TRIM77: variants seen among roughly 807,000 people sequenced by gnomAD.
TRIM77 encodes the protein tripartite motif-containing protein 77.
Under a neutral mutation model 31.8 loss-of-function variants are expected in TRIM77, and 23 were observed. The observed-to-expected ratio is 0.72, with a 90% CI of 0.52 to 1.02. The LOEUF (loss-of-function observed/expected upper bound fraction) is 1.02. TRIM77 is among the 50% of genes least tolerant of loss of function. The pLI, the probability that TRIM77 is intolerant of heterozygous loss-of-function variation, is 0.00. For missense variants in TRIM77, 446 were observed against 539.2 expected (o/e 0.83, Z 1.71); for synonymous variants, 159 against 183.1 (o/e 0.87, Z 1.06).
rs539129244 is a variant in TRIM77 at position 89,710,702 on chromosome 11, A to C, written c.404A>C (p.Tyr135Ser). Reference sequence around the variant, plus strand: ...TATATGACAAGGGAGGCTGATGAATACTATAGGGTAAGTAAATGCTACTGA... The same window carrying C: ...TATATGACAAGGGAGGCTGATGAATCCTATAGGGTAAGTAAATGCTACTGA... ...KHYMTREADEYYRKKLLIQMK... is the reference protein window; with the variant it reads ...KHYMTREADESYRKKLLIQMK... Residue 135 changes from tyrosine to serine, a missense_variant, in exon 1 of 6, where the codon TAC (tyrosine) becomes TCC (serine). By Grantham distance (144) the Tyr-to-Ser change is moderately radical (BLOSUM62 -2). Around this residue, in one of 3 missense-constraint regions of TRIM77, gnomAD observed 366 missense variants for 447.9 expected, o/e 0.82. Transcript: ENST00000398290. 1 of 1,530,906 alleles carries C rather than the reference A, an allele frequency of 6.5e-7. No individual in the cohort carries two copies. The highest frequency in any genetic ancestry group is 1.2e-5 in the South Asian group (1 of 81,448). 94.8% of individuals were successfully genotyped at this position (1,530,906 alleles called of 1,614,324 possible).
chr11:89,716,306 A>C (rs921060894), intron 5 of TRIM77, among the ~76,000 whole-genome samples: 1 of 152,228 alleles, frequency 6.6e-6, no homozygotes, highest in Non-Finnish European at 1.5e-5. Context: ...ATAAAACTGC[A>C]TATTCATTCA....
intron 5 of TRIM77, among the ~76,000 whole-genome samples, chr11:89,716,661 A>G (rs564829283): frequency 1.3e-5 from 2 of 152,196 alleles, no homozygotes; most frequent in African/African-American, 4.8e-5. Context: ...AAAGGCACAT[A>G]TAGATTTTCA....
Position 89,717,450 on chromosome 11 carries a change from T to C in TRIM77, c.931T>C (p.Cys311Arg). ...GTTCGAAGACCTAAGGCATTTGCAG[T>C]GCAGCCTTGATGATACAGACATGTC... ...LLFEDLRHLQ[C>R]SLDDTDMSCN... Residue 311 changes from cysteine to arginine, a missense_variant, in exon 6 of 6, where the codon TGC becomes CGC. Coordinates refer to ENST00000398290, the MANE Select transcript of TRIM77 (RefSeq NM_001146162.1). 1 of 1,551,540 alleles carries C rather than the reference T, an allele frequency of 6.4e-7. No homozygotes were observed. The highest frequency in any genetic ancestry group is 1.2e-5 in the South Asian group (1 of 84,060).
intron 2 of TRIM77, 87 bp from the exon 3 acceptor site, chr11:89,714,105 A>G: frequency 1.2e-5 from 10 of 868,506 alleles, no homozygotes; most frequent in African/African-American, 1.7e-5. Flanking sequence ...GTAGAATAGC[A>G]CAAAACATGA....
At chr11:89,716,770 G>A (rs1949163881) in intron 5 of TRIM77, among the ~76,000 whole-genome samples, 1 of 151,982 alleles carries the variant, frequency 6.6e-6, no homozygotes, top group African/African-American at 2.4e-5. Flanking sequence ...TAGGCAAAGT[G>A]GTATTGTTTA....
intron 2 of TRIM77, 53 bp from the exon 3 acceptor site, chr11:89,714,139 G>A: frequency 8.1e-7 from 1 of 1,227,140 alleles, no homozygotes; most frequent in Non-Finnish European, 1.1e-6. Context: ...AGCTGATAAG[G>A]AAAGAATAAA....
chr11:89,713,456 AATAATAATAATAAT>A (rs1565425773), intron 2 of TRIM77, among the ~76,000 whole-genome samples: 17 of 19,060 alleles, frequency 8.9e-4, no homozygotes, highest in African/African-American at 2.5e-3. Flanking sequence ...ACCTTGTCTC[AATAATAATAATAAT>A]AATAATAATA....
Position 89,717,592 on chromosome 11 carries a change from G to T in TRIM77, c.1073G>T (p.Cys358Phe), listed in dbSNP as rs187800029. ...KDSCNWVIGL[C>F]REAWTKRNDM... ...TCTTGTAATTGGGTTATAGGACTTT[G>T]CAGAGAAGCCTGGACAAAGAGGAAT... Residue 358 changes from cysteine (C) to phenylalanine (F), a missense_variant, in exon 6 of 6, where the codon TGC becomes TTC. Physicochemically the swap from Cys to Phe is radical, Grantham distance 205. Around this residue, in one of 3 missense-constraint regions of TRIM77, gnomAD observed 366 missense variants for 447.9 expected, o/e 0.82. Coordinates refer to ENST00000398290, the MANE Select transcript of TRIM77 (RefSeq NM_001146162.1). The T allele has an allele frequency of 1.2e-4, 185 of 1,551,490 alleles. 1 individual carries two copies. Among genetic ancestry groups the T allele is most frequent in the Admixed American group, 3.7e-4 (19 of 50,982 alleles).
Position 89,710,676 on chromosome 11 carries a change from C to T in TRIM77, c.378C>T (p.His126=). 1.3e-6 allele frequency: 2 copies of T among 1,548,354 alleles called. No individual in the cohort carries two copies. Among genetic ancestry groups the T allele is most frequent in the Non-Finnish European group, 1.7e-6 (2 of 1,144,992 alleles). The change falls in exon 1 of 6, where the codon CAC becomes CAT. Residue 126 remains histidine, a synonymous_variant. Transcript: ENST00000398290. ...SQSPRHATHK[H]YMTREADEYY... ...CCCCAAGGCATGCTACTCACAAACA[C>T]TATATGACAAGGGAGGCTGATGAAT...
At chr11:89,713,421 A>G (rs1201500512) in intron 2 of TRIM77, among the ~76,000 whole-genome samples, 1 of 148,152 alleles carries the variant, frequency 6.7e-6, no homozygotes, top group East Asian at 2.0e-4. Flanking sequence ...GCACCACCAT[A>G]CTCCAGCCTG....
Position 89,715,971 on chromosome 11 carries a change from G to C in TRIM77, c.843G>C (p.Arg281Ser), listed in dbSNP as rs1205561165. 1.3e-6 allele frequency: 2 copies of C among 1,546,826 alleles called. No individual in the cohort carries two copies. The highest frequency in any genetic ancestry group is 2.7e-5 in the African/African-American group (2 of 72,924). The change falls in exon 5 of 6, where the codon AGG becomes AGC. Residue 281 changes from arginine (R) to serine (S), a missense_variant. Transcript: ENST00000398290. Reference sequence around the variant, plus strand: ...GGACCATCACTGGGGTGTCAGAAAGGCTTAACTTCTTCAGAGGTAAGAGTG... The same window carrying C: ...GGACCATCACTGGGGTGTCAGAAAGCCTTAACTTCTTCAGAGGTAAGAGTG... ...SAWTITGVSE[R>S]LNFFRVYITL... is the part of the protein sequence containing the mutation.
intron 3 of TRIM77, among the ~76,000 whole-genome samples, chr11:89,714,877 G>A (rs994506319): frequency 1.3e-5 from 2 of 152,196 alleles, no homozygotes; most frequent in Non-Finnish European, 2.9e-5. Flanking sequence ...TGTTGCAGAT[G>A]TTTGTACAGT....
chr11:89,710,558 G>C lies in TRIM77; in HGVS notation c.260G>C (p.Ser87Thr). 1 of 1,551,714 alleles carries C rather than the reference G, an allele frequency of 6.4e-7. No homozygotes were observed. Among genetic ancestry groups the C allele is most frequent in the Non-Finnish European group, 8.7e-7 (1 of 1,146,976 alleles). The change falls in exon 1 of 6, where the codon AGC becomes ACC. Residue 87 changes from serine to threonine, a missense_variant. Ser to Thr is a moderately conservative substitution (Grantham distance 58). Around this residue, in one of 3 missense-constraint regions of TRIM77, gnomAD observed 366 missense variants for 447.9 expected, o/e 0.82. Coordinates refer to ENST00000398290, the MANE Select transcript of TRIM77 (RefSeq NM_001146162.1). ...TRESVPCQLS[S>T]SAMLICRRHQ... ...GAATCAGTCCCCTGCCAGTTATCAA[G>C]CTCTGCCATGCTGATCTGTAGGAGA...
intron 3 of TRIM77, 149 bp downstream of exon 3, chr11:89,714,571 T>C (rs1949148037): frequency 1.6e-6 from 1 of 626,410 alleles, no homozygotes. Context: ...CAGGTTTCAC[T>C]CCTCTGTAGA....
intron 3 of TRIM77, among the ~76,000 whole-genome samples, chr11:89,714,627 T>G (rs772946314): frequency 1.9e-4 from 29 of 152,318 alleles, no homozygotes; most frequent in Non-Finnish European, 2.8e-4. Flanking sequence ...GGAAAACTAT[T>G]TGGAAAAGTT....
intron 2 of TRIM77, among the ~76,000 whole-genome samples, chr11:89,712,673 C>T (rs1949130377): frequency 6.6e-6 from 1 of 152,036 alleles, no homozygotes; most frequent in Non-Finnish European, 1.5e-5. Context: ...GTGTCAAATG[C>T]AGAAGGAAGG....
At chr11:89,714,923 C>G (rs770185422) in intron 3 of TRIM77, among the ~76,000 whole-genome samples, 1 of 152,170 alleles carries the variant, frequency 6.6e-6, no homozygotes, top group Non-Finnish European at 1.5e-5. Flanking sequence ...TTTGTTCAAC[C>G]TCAGTCCATC....
In TRIM77 at chr11:89,715,197, A is replaced by G. The variant is rs1466221090; in HGVS notation, c.761+17A>G. The G allele has an allele frequency of 1.3e-6, 2 of 1,550,834 alleles. No homozygotes were observed. Among genetic ancestry groups the G allele is most frequent in the Non-Finnish European group, 1.7e-6 (2 of 1,146,100 alleles). On this transcript the variant is annotated intron_variant, in intron 4 of 5. Coordinates refer to ENST00000398290, the MANE Select transcript of TRIM77 (RefSeq NM_001146162.1). ...AATGAAAAGGTAAGTTTGCCCCTCT[A>G]TCCAAGTCCTGGTAATTGTGACAAT... is the stretch of plus-strand genomic sequence containing the variant.
chr11:89,717,227 T>A (rs1351103125), intron 5 of TRIM77, among the ~76,000 whole-genome samples, 152 bp from the exon 6 acceptor site: 1 of 152,152 alleles, frequency 6.6e-6, no homozygotes. Flanking sequence ...CTGGCCTTAG[T>A]GAGGTGGAAA....
Sources: allele counts gnomAD v4.1 joint callset (sites outside exome capture counted in the v4.1 genomes callset), GRCh38; gene constraint gnomAD v4.1.1; regional missense constraint gnomAD v4.1.1; transcripts MANE v1.5; gene names NCBI Gene and HGNC (gene_info 2026-07-23, HGNC 2026-07-21).